ZMAT4: variants seen among roughly 807,000 people sequenced by gnomAD.
ZMAT4 encodes zinc finger matrin-type 4.
A neutral mutation model predicts 28.7 loss-of-function variants in ZMAT4; 17 were observed. That is an observed-to-expected ratio of 0.59 (90% CI 0.41 to 0.89). The LOEUF (loss-of-function observed/expected upper bound fraction) is 0.89. Ranked by LOEUF, ZMAT4 falls within the 40% of genes least tolerant of loss-of-function variation. The pLI, the probability that ZMAT4 is intolerant of heterozygous loss-of-function variation, is 0.00. For missense variants in ZMAT4, 240 were observed against 283.8 expected, an observed-to-expected ratio of 0.85 and a Z score of 1.11; for synonymous variants, 117 against 109.2, an observed-to-expected ratio of 1.07 and a Z score of -0.44.
chr8:40,697,809 G>A (rs1208605030), intron 3 of ZMAT4, among the ~76,000 whole-genome samples: 4 of 148,668 alleles, frequency 2.7e-5, no homozygotes, highest in Admixed American at 7.0e-5. Context: ...ACAGTTAGTA[G>A]CTATTAATGC....
rs138839655 is a variant in ZMAT4, at chr8:40,676,403, T to C, written c.350-1472A>G. Among the ~76,000 whole-genome samples the C allele has an allele frequency of 4.3e-4, 66 of 152,282 alleles. 1 individual carries two copies. Among genetic ancestry groups the C allele is most frequent in the African/African-American group, 1.4e-3 (60 of 41,572 alleles). ...AAATTCTCACATGGGCCATTAGTCC[T>C]AAAGCAGTATAGCAGCATCCTGTGT... On this transcript the variant is annotated intron_variant, in intron 4 of 6. Transcript: ENST00000297737.
At chr8:40,825,079 A>C (rs1212687424) in intron 2 of ZMAT4, among the ~76,000 whole-genome samples, 1 of 152,204 alleles carries the variant, frequency 6.6e-6, no homozygotes, top group Non-Finnish European at 1.5e-5. Context: ...TGATTGTGAT[A>C]AGCACATGTT....
At chr8:40,819,890 C>T (rs1218838307) in intron 2 of ZMAT4, among the ~76,000 whole-genome samples, 1 of 151,752 alleles carries the variant, frequency 6.6e-6, no homozygotes, top group Non-Finnish European at 1.5e-5. Flanking sequence ...GAACATATAG[C>T]AAATATATAT....
intron 5 of ZMAT4, among the ~76,000 whole-genome samples, chr8:40,672,072 T>C (rs947033753): frequency 2.0e-5 from 3 of 152,068 alleles, no homozygotes; most frequent in Non-Finnish European, 2.9e-5. Flanking sequence ...TAATAATCTA[T>C]AAAGTAAGTA....
At chr8:40,605,691 G>T (rs1437834537) in intron 5 of ZMAT4, among the ~76,000 whole-genome samples, 2 of 152,114 alleles carry the variant, frequency 1.3e-5, no homozygotes, top group Non-Finnish European at 2.9e-5. Flanking sequence ...TTGTTCTAGG[G>T]TATAGTTTAA....
At chr8:40,841,672 C>T (rs1056686951) in intron 1 of ZMAT4, among the ~76,000 whole-genome samples, 1 of 152,322 alleles carries the variant, frequency 6.6e-6, no homozygotes, top group Non-Finnish European at 1.5e-5. Flanking sequence ...AAAAGTATCT[C>T]TCTTCTCTGT....
rs187760331 is a variant in ZMAT4, at chr8:40,881,695, G to T, written c.-5+15988C>A. Among the ~76,000 whole-genome samples the T allele has an allele frequency of 3.5e-3, 530 of 152,188 alleles. 4 individuals carry two copies. The highest frequency in any genetic ancestry group is 4.2e-3 in the Non-Finnish European group (286 of 68,016). On this transcript the variant is annotated intron_variant, in intron 1 of 6. Transcript: ENST00000297737. Reference sequence around the variant, plus strand: ...CAACTGTATGGGGACTGATAACATGGATCAGCTTGAAAAAACAGCTCTCCC... The same window carrying T: ...CAACTGTATGGGGACTGATAACATGTATCAGCTTGAAAAAACAGCTCTCCC...
At chr8:40,773,057 G>A (rs1168533643) in intron 2 of ZMAT4, among the ~76,000 whole-genome samples, 1 of 152,234 alleles carries the variant, frequency 6.6e-6, no homozygotes, top group Non-Finnish European at 1.5e-5. Context: ...TCACTAGGAG[G>A]CAGGGTCAAA....
intron 4 of ZMAT4, among the ~76,000 whole-genome samples, chr8:40,678,131 A>G (rs1434637537): frequency 6.6e-6 from 1 of 152,206 alleles, no homozygotes; most frequent in Non-Finnish European, 1.5e-5. Flanking sequence ...TTTGAAAATA[A>G]CTATAAAATG....
intron 3 of ZMAT4, among the ~76,000 whole-genome samples, chr8:40,751,426 A>C (rs4292670): frequency 0.97 from 147,782 of 151,770 alleles, 72,062 homozygotes; most frequent in East Asian, 1. Flanking sequence ...ACAATCAGAT[A>C]TCATAAGAAC....
intron 3 of ZMAT4, among the ~76,000 whole-genome samples, chr8:40,726,214 C>T (rs1187053005): frequency 2.6e-5 from 4 of 152,184 alleles, no homozygotes; most frequent in East Asian, 1.9e-4. Context: ...ACTCTGAAGT[C>T]GGAACATGTT....
At chr8:40,552,282 G>T (rs1055853708) in intron 6 of ZMAT4, among the ~76,000 whole-genome samples, 1 of 152,112 alleles carries the variant, frequency 6.6e-6, no homozygotes, top group African/African-American at 2.4e-5. Flanking sequence ...CAATCAAGCT[G>T]CTACTATTGC....
intron 6 of ZMAT4, among the ~76,000 whole-genome samples, chr8:40,534,617 A>G (rs1157314537): frequency 1.3e-5 from 2 of 151,572 alleles, no homozygotes; most frequent in Non-Finnish European, 2.9e-5. Flanking sequence ...TTTTTGACAT[A>G]TATGAAACCA....
intron 6 of ZMAT4, among the ~76,000 whole-genome samples, chr8:40,554,643 C>G (rs1210334766): frequency 6.6e-6 from 1 of 152,086 alleles, no homozygotes; most frequent in African/African-American, 2.4e-5. Context: ...TCATCAACTA[C>G]TTCTCAAATA....
chr8:40,723,166 C>T (rs1274358922), intron 3 of ZMAT4, among the ~76,000 whole-genome samples: 3 of 152,146 alleles, frequency 2.0e-5, no homozygotes, highest in Non-Finnish European at 4.4e-5. Context: ...TAGAAATCTC[C>T]TCAGGCAGGG....
intron 3 of ZMAT4, among the ~76,000 whole-genome samples, chr8:40,714,258 A>G (rs1222548272): frequency 6.6e-6 from 1 of 152,188 alleles, no homozygotes; most frequent in African/African-American, 2.4e-5. Flanking sequence ...GAAAATTATC[A>G]GGATTTGAGC....
intron 6 of ZMAT4, among the ~76,000 whole-genome samples, chr8:40,580,770 T>G (rs7005939): frequency 6.6e-6 from 1 of 152,032 alleles, no homozygotes; most frequent in South Asian, 2.1e-4. Flanking sequence ...CCTGGGGGAT[T>G]TGTTATGTTT....
chr8:40,636,578 G>T (rs1806799873), intron 5 of ZMAT4, among the ~76,000 whole-genome samples: 2 of 152,226 alleles, frequency 1.3e-5, no homozygotes, highest in Admixed American at 1.3e-4. Context: ...AGGATAATGT[G>T]CTGTGCTGCT....
intron 5 of ZMAT4, among the ~76,000 whole-genome samples, chr8:40,619,374 A>C (rs1487293196): frequency 6.6e-6 from 1 of 152,166 alleles, no homozygotes; most frequent in Non-Finnish European, 1.5e-5. Flanking sequence ...AATAATAATA[A>C]AGGCACAGAT....
Sources: allele counts gnomAD v4.1 joint callset (sites outside exome capture counted in the v4.1 genomes callset), GRCh38; gene constraint gnomAD v4.1.1; transcripts MANE v1.5; gene names NCBI Gene and HGNC (gene_info 2026-07-23, HGNC 2026-07-21).